The following CMTR1 variants were observed in gnomAD, a reference collection of about 807,000 sequenced individuals.
The protein encoded by CMTR1 is cap methyltransferase 1.
A neutral mutation model predicts 107.0 loss-of-function variants in CMTR1; 39 were observed. The ratio of observed to expected loss-of-function variants is 0.36; its 90% CI spans 0.28 to 0.48. The LOEUF (loss-of-function observed/expected upper bound fraction) is 0.48. Ranked by LOEUF, CMTR1 falls within the 20% of genes least tolerant of loss-of-function variation. The pLI is 0.99. For synonymous variants in CMTR1, 366 were observed against 379.5 expected (o/e 0.96, Z 0.41); for missense variants, 672 against 1,064.9 (o/e 0.63, Z 5.14).
intron 1 of CMTR1, among the ~76,000 whole-genome samples, chr6:37,434,071 A>G (rs1469956583): frequency 6.6e-6 from 1 of 152,164 alleles, no homozygotes; most frequent in African/African-American, 2.4e-5. Context: ...AAGCTCTGTG[A>G]TGAGCCTTCC....
chr6:37,446,423 A>G lies in CMTR1; in HGVS notation c.418A>G (p.Asn140Asp). ...ACTCCGGGGCTTTGACCAGGAGCTGAACGTGGACTGGCGAGATGAGCCAGA... is the reference window on the plus strand; with the variant it reads ...ACTCCGGGGCTTTGACCAGGAGCTGGACGTGGACTGGCGAGATGAGCCAGA... The part of the protein sequence containing the change: ...LTLRGFDQEL[N>D]VDWRDEPEPS... Residue 140 changes from asparagine to aspartate, a missense_variant, in exon 4 of 24, where the codon AAC becomes GAC. By Grantham distance (23) the Asn-to-Asp change is conservative (BLOSUM62 1). Coordinates refer to ENST00000373451, the MANE Select transcript of CMTR1 (RefSeq NM_015050.3). 1.9e-6 allele frequency: 3 copies of G among 1,613,872 alleles called. No individual in the cohort carries two copies. The highest frequency in any genetic ancestry group is 2.5e-6 in the Non-Finnish European group (3 of 1,180,000).
chr6:37,429,648 C>G (rs892893751), upstream of CMTR1, among the ~76,000 whole-genome samples: 3 of 152,152 alleles, frequency 2.0e-5, no homozygotes, highest in Non-Finnish European at 4.4e-5. Flanking sequence ...TGAAAGTTTA[C>G]CTGCTATGAT....
At position 37,466,114 on chromosome 6, in the gene CMTR1, G is replaced by GT. The variant is rs763461526; in HGVS notation, c.1505+3123dup. On this transcript the variant is annotated intron_variant, in intron 13 of 23. Transcript: ENST00000373451. ...GTTTTTAAAGAGTTTTACAGTTTTTGTTTTTTTTTTTTTTTTTGAAACGGA... is the reference window on the plus strand; with the variant it reads ...GTTTTTAAAGAGTTTTACAGTTTTTGTTTTTTTTTTTTTTTTTTGAAACGGA... Among the ~76,000 whole-genome samples, 896 of 125,176 alleles carry GT rather than the reference G, an allele frequency of 7.2e-3. 7 individuals are homozygous for GT. The highest frequency in any genetic ancestry group is 8.2e-3 in the African/African-American group (213 of 26,054). The allele number at this position is 125,176 out of a possible 152,430, so 82.1% of individuals were successfully genotyped here.
At chr6:37,442,514 C>T (rs1161686298) in intron 2 of CMTR1, among the ~76,000 whole-genome samples, 1 of 152,214 alleles carries the variant, frequency 6.6e-6, no homozygotes, top group Non-Finnish European at 1.5e-5. Flanking sequence ...GTGTTGGGTA[C>T]AGACTGTGAC....
rs180694554 is a variant in CMTR1 at position 37,457,815 on chromosome 6, G to A, written c.778-797G>A. On this transcript the variant is annotated intron_variant, in intron 8 of 23. Coordinates refer to ENST00000373451, the MANE Select transcript of CMTR1 (RefSeq NM_015050.3). Reference sequence around the variant, plus strand: ...CCTGTGGCTGGGAGAGGGTGTTAGAGCCCCCCAGCCTTTGGTTGGACAGGA... The same window carrying A: ...CCTGTGGCTGGGAGAGGGTGTTAGAACCCCCCAGCCTTTGGTTGGACAGGA... Among the ~76,000 whole-genome samples, 280 of 152,268 alleles carry A rather than the reference G, an allele frequency of 1.8e-3. 1 individual carries two copies. The highest frequency in any genetic ancestry group is 6.5e-3 in the African/African-American group (268 of 41,542).
chr6:37,435,314 C>T (rs1268758882), intron 1 of CMTR1, among the ~76,000 whole-genome samples: 1 of 152,132 alleles, frequency 6.6e-6, no homozygotes, highest in African/African-American at 2.4e-5. Flanking sequence ...ACTACAGGTA[C>T]CAAGGCTTTA....
chr6:37,474,781 T>C lies in CMTR1; in HGVS notation c.1944+135T>C. The C allele has an allele frequency of 2.3e-6, 3 of 1,329,094 alleles. No individual in the cohort carries two copies. The South Asian group carries it at 4.2e-5, about 19-fold the overall frequency. The allele number at this position is 1,329,094 out of a possible 1,614,324, so 82.3% of individuals were successfully genotyped here. A position where few individuals can be genotyped will look rare whatever the true frequency, so the allele number is the denominator to read the frequency against. On this transcript the variant is annotated intron_variant, in intron 18 of 23. Transcript: ENST00000373451. ...AGGGCCCAGGGCTGGGGTAAGGGTT[T>C]ATAATGACTCCTCCCCGAGCAGTTG...
intron 7 of CMTR1, 47 bp from the exon 8 acceptor site, chr6:37,453,193 A>T (rs775188413): frequency 6.2e-7 from 1 of 1,612,074 alleles, no homozygotes; most frequent in East Asian, 2.2e-5. Context: ...CTACCTTTTC[A>T]ATTGAGCCTA....
At chr6:37,431,012 C>CAAAA (rs34543353), upstream of CMTR1, among the ~76,000 whole-genome samples, 2 of 50,292 alleles carry the variant, frequency 4.0e-5, no homozygotes, top group Non-Finnish European at 8.4e-5. Flanking sequence ...GACTCCGTCT[C>CAAAA]AAAAAAAAAA....
the CMTR1 span, among the ~76,000 whole-genome samples, chr6:37,425,900 A>T: frequency 1.3e-5 from 2 of 151,812 alleles, no homozygotes; most frequent in Non-Finnish European, 2.9e-5. Flanking sequence ...CCCCTCTGAC[A>T]CTCCCACAAT....
At chr6:37,452,599 G>A (rs1341684017) in intron 6 of CMTR1, among the ~76,000 whole-genome samples, 2 of 152,136 alleles carry the variant, frequency 1.3e-5, no homozygotes, top group Admixed American at 1.3e-4. Flanking sequence ...TTTGAGAGAA[G>A]GGATTGCTAC....
intron 13 of CMTR1, 89 bp downstream of exon 13, chr6:37,463,097 A>T: frequency 2.2e-6 from 3 of 1,356,502 alleles, no homozygotes; most frequent in Admixed American, 1.8e-5. Flanking sequence ...TCTTGGTATC[A>T]CTTTGTCAAC....
At chr6:37,459,737 G>A (rs963288212) in intron 10 of CMTR1, 53 bp downstream of exon 10, 1 of 1,308,698 alleles carries the variant, frequency 7.6e-7, no homozygotes, top group African/African-American at 1.5e-5. Context: ...TTATTTTAGA[G>A]GTTTGAGAAT....
At chr6:37,475,938 G>A in intron 19 of CMTR1, 188 bp from the exon 20 acceptor site, 1 of 601,450 alleles carries the variant, frequency 1.7e-6, no homozygotes, top group Non-Finnish European at 3.0e-6. Context: ...CAGGGGCGGG[G>A]CATGAATAAA....
At chr6:37,454,735 T>G (rs1178442623) in intron 8 of CMTR1, among the ~76,000 whole-genome samples, 1 of 152,228 alleles carries the variant, frequency 6.6e-6, no homozygotes, top group Non-Finnish European at 1.5e-5. Flanking sequence ...TGATTGTTAG[T>G]GGCCACGGAG....
intron 1 of CMTR1, among the ~76,000 whole-genome samples, chr6:37,434,041 C>G (rs1415760753): frequency 6.6e-6 from 1 of 152,156 alleles, no homozygotes; most frequent in Non-Finnish European, 1.5e-5. Flanking sequence ...AAGCTTTTAG[C>G]GCTTGCAATG....
chr6:37,448,826 C>T (rs1031717089), intron 4 of CMTR1, among the ~76,000 whole-genome samples: 10 of 152,206 alleles, frequency 6.6e-5, no homozygotes, highest in East Asian at 1.9e-4. Flanking sequence ...TGGCACTTAG[C>T]GCTGCCTGCA....
At position 37,436,854 on chromosome 6, in the gene CMTR1, T is replaced by G. The variant is rs1394810329; in HGVS notation, c.133+1092T>G. Among the ~76,000 whole-genome samples, 4 of 152,336 alleles carry G rather than the reference T, an allele frequency of 2.6e-5. No homozygotes were observed. The East Asian group carries it at 7.7e-4, about 29-fold the overall frequency. On this transcript the variant is annotated intron_variant, in intron 2 of 23. Coordinates refer to ENST00000373451, the MANE Select transcript of CMTR1 (RefSeq NM_015050.3). ...CAGGCTTGCATATTGGATCCTCTGTTGGATCACTGGGAAACTGGAATGAAA... is the reference window on the plus strand; with the variant it reads ...CAGGCTTGCATATTGGATCCTCTGTGGGATCACTGGGAAACTGGAATGAAA...
intron 13 of CMTR1, among the ~76,000 whole-genome samples, chr6:37,464,191 C>T (rs147949631): frequency 0.031 from 4,687 of 152,214 alleles, 89 homozygotes; most frequent in Middle Eastern, 0.085. Flanking sequence ...TGTGGCCGGG[C>T]GTAGTGGCTC....
Sources: allele counts gnomAD v4.1 joint callset (sites outside exome capture counted in the v4.1 genomes callset), GRCh38; gene constraint gnomAD v4.1.1; transcripts MANE v1.5; gene names NCBI Gene and HGNC (gene_info 2026-07-23, HGNC 2026-07-21).